FHDC1: variants seen among roughly 807,000 people sequenced by gnomAD.
The protein encoded by FHDC1 is FH2 domain containing 1.
A neutral mutation model predicts 52.6 loss-of-function variants in FHDC1; 25 were observed. The ratio of observed to expected loss-of-function variants is 0.48; its 90% CI spans 0.35 to 0.66. The LOEUF is 0.66. FHDC1 is among the 30% of genes least tolerant of loss of function. The pLI, the probability that FHDC1 is intolerant of heterozygous loss-of-function variation, is 0.01. For missense variants in FHDC1, 1,459 were observed against 1,452.8 expected (o/e 1.00, Z -0.07); for synonymous variants, 616 against 581.5 (o/e 1.06, Z -0.85).
chr4:152,916,756 CAG>C, the FHDC1 span, among the ~76,000 whole-genome samples: 1 of 151,986 alleles, frequency 6.6e-6, no homozygotes, highest in Non-Finnish European at 1.5e-5. Flanking sequence ...TATTTGGAAA[CAG>C]AAATTCAAGT....
In FHDC1 at chr4:152,943,075, T is replaced by C. The variant is rs779095150; in HGVS notation, c.18T>C (p.Cys6=). The C allele has an allele frequency of 1.9e-6, 3 of 1,613,010 alleles. No individual in the cohort carries two copies. In the African/African-American group the frequency reaches 4.0e-5, roughly 21 times the overall value. Residue 6 remains cysteine, a synonymous_variant, in exon 2 of 12, where the codon TGT becomes TGC. Transcript: ENST00000511601. The part of the protein sequence containing the change: MHVMN[C]VSLVSDKENG... Reference sequence around the variant, plus strand: ...ACAGTACTATGCATGTTATGAATTGTGTCTCCTTGGTCAGTGATAAAGAAA... The same window carrying C: ...ACAGTACTATGCATGTTATGAATTGCGTCTCCTTGGTCAGTGATAAAGAAA...
rs754994053 is a variant in FHDC1, at chr4:152,943,115, A to G, written c.58A>G (p.Thr20Ala). 6.2e-7 allele frequency: 1 copy of G among 1,614,070 alleles called. No individual in the cohort carries two copies. Among genetic ancestry groups the G allele is most frequent in the South Asian group, 1.1e-5 (1 of 91,042 alleles). The change falls in exon 2 of 12, where the codon ACA (threonine) becomes GCA (alanine). Residue 20 changes from threonine (T) to alanine (A), a missense_variant. Thr to Ala is a moderately conservative substitution (Grantham distance 58). Transcript: ENST00000511601. ...TGATAAAGAAAATGGGAATATTGCCACAGCACCTGGATTCATGATTGGGCA... is the reference window on the plus strand; with the variant it reads ...TGATAAAGAAAATGGGAATATTGCCGCAGCACCTGGATTCATGATTGGGCA... The part of the protein sequence containing the change: ...VSDKENGNIA[T>A]APGFMIGQTP...
At chr4:152,943,663 A>C in intron 2 of FHDC1, 108 bp downstream of exon 2, 3 of 1,283,424 alleles carry the variant, frequency 2.3e-6, no homozygotes, top group Non-Finnish European at 3.2e-6. Context: ...AAATGAGATA[A>C]TACAAGCGAA....
chr4:152,950,640 G>A (rs1739897738), intron 2 of FHDC1, among the ~76,000 whole-genome samples: 1 of 152,232 alleles, frequency 6.6e-6, no homozygotes, highest in Admixed American at 6.5e-5. Flanking sequence ...GGCCCCTGGA[G>A]GCTCTCTTGC....
the FHDC1 span, chr4:152,928,060 T>G: frequency 7.1e-7 from 1 of 1,409,200 alleles, no homozygotes; most frequent in Non-Finnish European, 1.0e-6. Context: ...GCCCCTCTGC[T>G]GCAGTCTGTA....
rs780379165 is a variant in FHDC1 at position 152,975,537 on chromosome 4, C to G, written c.2246C>G (p.Pro749Arg). ...GATGGCAAGGCTGCCCCCGATGAGC[C>G]TGGAAGTGCAGCTTTGGGATCTGTG... Reference protein sequence around the residue: ...LEDGKAAPDEPGSAALGSVGS... With the variant: ...LEDGKAAPDERGSAALGSVGS... The change falls in exon 12 of 12, where the codon CCT becomes CGT. Residue 749 changes from proline (P) to arginine (R), a missense_variant. By Grantham distance (103) the Pro-to-Arg change is moderately radical. Around this residue, in one of 3 missense-constraint regions of FHDC1, gnomAD observed 939 missense variants for 854.5 expected, o/e 1.10. Coordinates refer to ENST00000511601, the MANE Select transcript of FHDC1 (RefSeq NM_001371116.1). 6.2e-6 allele frequency: 10 copies of G among 1,613,636 alleles called. No individual in the cohort carries two copies. The highest frequency in any genetic ancestry group is 8.5e-7 in the Non-Finnish European group (1 of 1,180,030).
At chr4:152,920,692 C>G in the FHDC1 span, among the ~76,000 whole-genome samples, 1 of 151,892 alleles carries the variant, frequency 6.6e-6, no homozygotes, top group Non-Finnish European at 1.5e-5. Context: ...TCATTTTAAG[C>G]CTTTAAAATG....
Position 152,955,947 on chromosome 4 carries a change from C to T in FHDC1, c.663+1628C>T, listed in dbSNP as rs370214452. ...CTAGGTGTTCCTATCAACCTGGCCGCTCTCTCTCCCTCAGGTTTTCTCTTT... is the reference window on the plus strand; with the variant it reads ...CTAGGTGTTCCTATCAACCTGGCCGTTCTCTCTCCCTCAGGTTTTCTCTTT... On this transcript the variant is annotated intron_variant, in intron 4 of 11. Coordinates refer to ENST00000511601, the MANE Select transcript of FHDC1 (RefSeq NM_001371116.1). 7.6e-4 allele frequency among the ~76,000 whole-genome samples: 116 copies of T among 152,276 alleles called. 4 individuals carry two copies. In the South Asian group the frequency reaches 0.023, roughly 30 times the overall value.
At chr4:152,962,698 A>G (rs1281540968) in intron 6 of FHDC1, 116 bp from the exon 7 acceptor site, 1 of 754,270 alleles carries the variant, frequency 1.3e-6, no homozygotes, top group East Asian at 2.6e-5. Context: ...CGTTTTATAT[A>G]CAGTTTAAGG....
intron 2 of FHDC1, among the ~76,000 whole-genome samples, chr4:152,950,785 T>G (rs185315127): frequency 1.1e-3 from 170 of 152,330 alleles, no homozygotes; most frequent in African/African-American, 3.8e-3. Flanking sequence ...GCAAGCACCA[T>G]GCTGGTAGGG....
chr4:152,975,994 C>T lies in FHDC1; in HGVS notation c.2703C>T (p.Ser901=). ...CCCTGACCGCCTCAGAGAACGAGAG[C>T]ATGCGCAAGGTCATGCCCATCACCA... The part of the protein sequence containing the change: ...VRTLTASENE[S]MRKVMPITKS... Residue 901 remains serine, a synonymous_variant, in exon 12 of 12, where the codon AGC becomes AGT. Transcript: ENST00000511601. 2.0e-6 allele frequency: 3 copies of T among 1,527,590 alleles called. No individual in the cohort carries two copies. Among genetic ancestry groups the T allele is most frequent in the South Asian group, 1.3e-5 (1 of 76,874 alleles). 94.6% of individuals were successfully genotyped at this position (1,527,590 alleles called of 1,614,324 possible).
chr4:152,927,318 CA>C, the FHDC1 span: 3 of 658,296 alleles, frequency 4.6e-6, no homozygotes, highest in Non-Finnish European at 2.7e-6. Flanking sequence ...TGTCAAAGGT[CA>C]GGGGAACCTC....
intron 4 of FHDC1, 142 bp downstream of exon 4, chr4:152,954,461 T>C (rs1436388492): frequency 1.7e-6 from 1 of 598,962 alleles, no homozygotes; most frequent in African/African-American, 1.9e-5. Context: ...CAGAGGCAGA[T>C]GAATCACCTG....
At position 152,976,426 on chromosome 4, in the gene FHDC1, A is replaced by G; in HGVS notation, c.3135A>G (p.Arg1045=). ...GGAACACAGTGGCCTCCTCCTCTCG[A>G]AGCATGAGAACAGATCTTCCTCCCG... ...FARNTVASSS[R]SMRTDLPPVA... Residue 1045 remains arginine (R), a synonymous_variant, in exon 12 of 12, where the codon CGA becomes CGG. Coordinates refer to ENST00000511601, the MANE Select transcript of FHDC1 (RefSeq NM_001371116.1). 1 of 1,613,682 alleles carries G rather than the reference A, an allele frequency of 6.2e-7. No homozygotes were observed. Among genetic ancestry groups the G allele is most frequent in the Non-Finnish European group, 8.5e-7 (1 of 1,180,022 alleles).
At chr4:152,911,970 AT>A in the FHDC1 span, 1 of 152,548 alleles carries the variant, frequency 6.6e-6, no homozygotes, top group Non-Finnish European at 1.5e-5. Context: ...CTGAAGACAC[AT>A]AATTTGCGTT....
At position 152,977,415 on chromosome 4, in the gene FHDC1, C is replaced by T. The variant is rs1362863520; in HGVS notation, c.*692C>T. ...AATGTTCTAGTTTTGGTTCCTTTTG[C>T]AGAGTGAAATGCCTCCCAGGAAAAA... On this transcript the variant is annotated 3_prime_UTR_variant, in exon 12 of 12. Transcript: ENST00000511601. The T allele has an allele frequency of 6.6e-6, 1 of 152,124 alleles. No individual in the cohort carries two copies. The highest frequency in any genetic ancestry group is 1.5e-5 in the Non-Finnish European group (1 of 68,018). The allele number at this position is 152,124 out of a possible 1,614,324, so 9.4% of individuals were successfully genotyped here.
intron 10 of FHDC1, among the ~76,000 whole-genome samples, chr4:152,970,530 G>A (rs1740609285): frequency 6.6e-6 from 1 of 152,192 alleles, no homozygotes; most frequent in South Asian, 2.1e-4. Flanking sequence ...AAACATACGA[G>A]GTGGAGCTGA....
intron 6 of FHDC1, among the ~76,000 whole-genome samples, chr4:152,962,343 A>AT (rs1315294122): frequency 1.3e-5 from 2 of 152,046 alleles, no homozygotes; most frequent in African/African-American, 4.8e-5. Context: ...CAGCTTGTTT[A>AT]TTTTTTATCT....
chr4:152,922,035 C>CA, the FHDC1 span, among the ~76,000 whole-genome samples: 14 of 152,028 alleles, frequency 9.2e-5, no homozygotes, highest in Admixed American at 4.6e-4. Context: ...AATAGAGACA[C>CA]AAAAAACCCT....
Sources: gnomAD v4.1 joint callset for allele counts (sites outside exome capture counted in the v4.1 genomes callset) on GRCh38, gnomAD v4.1.1 for gene constraint, gnomAD v4.1.1 regional missense constraint, MANE v1.5 for transcripts, NCBI Gene and HGNC (gene_info 2026-07-23, HGNC 2026-07-21) for gene names.